CASC3: variants seen among roughly 807,000 people sequenced by gnomAD.
The protein encoded by CASC3 is CASC3 exon junction complex subunit, also known as protein CASC3.
A neutral mutation model predicts 80.5 loss-of-function variants in CASC3; 30 were observed. The ratio of observed to expected loss-of-function variants is 0.37; its 90% CI spans 0.28 to 0.51. The LOEUF (loss-of-function observed/expected upper bound fraction) is 0.51. Ranked by LOEUF, CASC3 falls within the 20% of genes least tolerant of loss-of-function variation. The pLI, the probability that CASC3 is intolerant of heterozygous loss-of-function variation, is 0.94. For synonymous variants in CASC3, 312 were observed against 333.6 expected (o/e 0.94, Z 0.70); for missense variants, 824 against 922.2 (o/e 0.89, Z 1.38).
Position 40,170,761 on chromosome 17 carries a change from A to G in CASC3, c.*356A>G. 2.1e-6 allele frequency: 2 copies of G among 970,410 alleles called. No homozygotes were observed. The highest frequency in any genetic ancestry group is 2.5e-6 in the Non-Finnish European group (2 of 816,242). 60.1% of individuals were successfully genotyped at this position (970,410 alleles called of 1,614,324 possible). On this transcript the variant is annotated 3_prime_UTR_variant, in exon 14 of 14. Coordinates refer to ENST00000264645, the MANE Select transcript of CASC3 (RefSeq NM_007359.5). ...TTGAAGTGTCTTCTGTTCCCAAGGAAGCTCCTTCCTGTTTGTTTTGTTTTC... is the reference window on the plus strand; with the variant it reads ...TTGAAGTGTCTTCTGTTCCCAAGGAGGCTCCTTCCTGTTTGTTTTGTTTTC...
rs1484674901 is a variant in CASC3, at chr17:40,162,008, A to G, written c.463A>G (p.Thr155Ala). The G allele has an allele frequency of 2.5e-6, 4 of 1,613,894 alleles. No individual in the cohort carries two copies. The highest frequency in any genetic ancestry group is 3.4e-6 in the Non-Finnish European group (4 of 1,179,928). ...ERQSGDGQES[T>A]EPVENKVGKK... ...CCCTTTATCTGTCCTCTAGGAGAGCACAGAGCCTGTGGAGAACAAAGTGGG... is the reference window on the plus strand; with the variant it reads ...CCCTTTATCTGTCCTCTAGGAGAGCGCAGAGCCTGTGGAGAACAAAGTGGG... Residue 155 changes from threonine (T) to alanine (A), a missense_variant, in exon 5 of 14, where the codon ACA becomes GCA. Thr to Ala is a moderately conservative substitution (Grantham distance 58). This residue lies in a region of CASC3 where 201 missense variants were observed against 294.1 expected (regional missense o/e 0.68). Coordinates refer to ENST00000264645, the MANE Select transcript of CASC3 (RefSeq NM_007359.5).
At chr17:40,157,339 T>C (rs943187480) in intron 3 of CASC3, among the ~76,000 whole-genome samples, 1 of 141,076 alleles carries the variant, frequency 7.1e-6, no homozygotes, top group Non-Finnish European at 1.6e-5. Context: ...CGAGACTCCG[T>C]CTCAAATAAA....
chr17:40,150,234 G>A (rs1324374232), intron 3 of CASC3, among the ~76,000 whole-genome samples: 2 of 152,010 alleles, frequency 1.3e-5, no homozygotes, highest in African/African-American at 4.8e-5. Context: ...TCAACCTGGC[G>A]CAGTGATGTG....
intron 6 of CASC3, 137 bp downstream of exon 6, chr17:40,163,038 TAGTG>T: frequency 1.8e-6 from 1 of 548,490 alleles, no homozygotes; most frequent in Non-Finnish European, 3.1e-6. Flanking sequence ...CTGGGGAACA[TAGTG>T]AGACCCTGTC....
rs779831452 is a variant in CASC3, at chr17:40,167,527, T to C, written c.1566T>C (p.Tyr522=). The part of the protein sequence containing the change: ...MGVQGGRAKR[Y]SSQRQRPVPE... The stretch of plus-strand genomic sequence containing the variant: ...TCCAGGGTGGTCGAGCCAAACGCTA[T>C]TCATCCCAGCGGCAAAGACCTGTGC... Residue 522 remains tyrosine (Y), a synonymous_variant, in exon 9 of 14, where the codon TAT becomes TAC. Transcript: ENST00000264645. 1 of 1,614,142 alleles carries C rather than the reference T, an allele frequency of 6.2e-7. No individual in the cohort carries two copies. The highest frequency in any genetic ancestry group is 2.2e-5 in the East Asian group (1 of 44,880).
chr17:40,166,707 G>C (rs1390882403), intron 7 of CASC3, 90 bp from the exon 8 acceptor site: 7 of 788,566 alleles, frequency 8.9e-6, no homozygotes, highest in Non-Finnish European at 1.2e-5. Context: ...CATTCCTTAT[G>C]TTGACACTTA....
At chr17:40,150,882 G>A (rs930026201) in intron 3 of CASC3, among the ~76,000 whole-genome samples, 35 of 152,078 alleles carry the variant, frequency 2.3e-4, no homozygotes, top group African/African-American at 7.5e-4. Flanking sequence ...ATGTGGTGGC[G>A]GGCACCTGTA....
rs1988679673 is a variant in CASC3 at position 40,140,597 on chromosome 17, G to A, written c.49G>A (p.Glu17Lys). ...QRASQDTEDE[E>K]SGASGSDSGG... ...CGCTTCGCAAGACACCGAGGACGAG[G>A]AATCTGGTGCTTCGGGCTCCGACAG... The change falls in exon 1 of 14, where the codon GAA becomes AAA. Residue 17 changes from glutamate (E) to lysine (K), a missense_variant. Glu to Lys is a moderately conservative substitution (Grantham distance 56, BLOSUM62 1). Transcript: ENST00000264645. The A allele has an allele frequency of 6.2e-7, 1 of 1,610,644 alleles. No homozygotes were observed. The highest frequency in any genetic ancestry group is 1.7e-5 in the Admixed American group (1 of 59,942).
intron 3 of CASC3, among the ~76,000 whole-genome samples, chr17:40,155,210 A>T: frequency 6.6e-6 from 1 of 150,998 alleles, no homozygotes; most frequent in African/African-American, 2.4e-5. Flanking sequence ...TTTGCACGTG[A>T]CGATTTTGGT....
At position 40,170,865 on chromosome 17, in the gene CASC3, C is replaced by G. The variant is rs75463187; in HGVS notation, c.*460C>G. The G allele has an allele frequency of 2.1e-3, 2,029 of 985,160 alleles. 37 individuals are homozygous for G. The African/African-American group carries it at 0.031, about 15-fold the overall frequency. 61.0% of individuals were successfully genotyped at this position (985,160 alleles called of 1,614,324 possible). ...TTTCTCTTTGTTTCTGTTTCTTGCT[C>G]TCTCTCCCTGCCTTTAAATGAAACA... On this transcript the variant is annotated 3_prime_UTR_variant, in exon 14 of 14. Coordinates refer to ENST00000264645, the MANE Select transcript of CASC3 (RefSeq NM_007359.5).
rs774969704 is a variant in CASC3 at position 40,167,613 on chromosome 17, G to T, written c.1651+1G>T. ...ATGGAGGGACATTACTATGATCCAC[G>T]TGAGTTTTTTCTTACTGTTGGGGTA... On this transcript the variant is annotated splice_donor_variant, in intron 9 of 13. Transcript: ENST00000264645. LOFTEE classifies it high-confidence loss of function. The T allele has an allele frequency of 6.2e-7, 1 of 1,608,268 alleles. No individual in the cohort carries two copies. The highest frequency in any genetic ancestry group is 8.5e-7 in the Non-Finnish European group (1 of 1,174,838).
intron 3 of CASC3, among the ~76,000 whole-genome samples, chr17:40,152,832 A>G (rs1167207378): frequency 3.3e-5 from 5 of 152,126 alleles, no homozygotes; most frequent in African/African-American, 1.2e-4. Flanking sequence ...GCTGGAGTGC[A>G]GTGTTACAAT....
At chr17:40,168,129 T>G (rs1022684766) in intron 10 of CASC3, 74 bp from the exon 11 acceptor site, 4 of 1,412,204 alleles carry the variant, frequency 2.8e-6, no homozygotes, top group Non-Finnish European at 4.0e-6. Flanking sequence ...CTGATTATAC[T>G]GAGCAGTCCA....
At chr17:40,167,727 T>G in intron 9 of CASC3, 115 bp downstream of exon 9, 1 of 1,239,102 alleles carries the variant, frequency 8.1e-7, no homozygotes, top group Non-Finnish European at 1.2e-6. Context: ...TATCAAACAT[T>G]GTCTGGTTGC....
chr17:40,147,725 C>G (rs1988895847), intron 3 of CASC3, among the ~76,000 whole-genome samples: 2 of 152,092 alleles, frequency 1.3e-5, no homozygotes, highest in Non-Finnish European at 2.9e-5. Flanking sequence ...GAAGGGACCC[C>G]AGGAGAAGAG....
intron 5 of CASC3, 90 bp from the exon 6 acceptor site, chr17:40,162,635 T>A: frequency 8.4e-7 from 1 of 1,196,246 alleles, no homozygotes; most frequent in Admixed American, 2.2e-5. Flanking sequence ...GTTCCTATTG[T>A]CCCCCTGCCT....
chr17:40,170,427 CTTT>C lies in CASC3; in HGVS notation c.*42-17_*42-15del, dbSNP rs1254790939. On this transcript the variant is annotated splice_polypyrimidine_tract_variant and intron_variant, in intron 13 of 13. Coordinates refer to ENST00000264645, the MANE Select transcript of CASC3 (RefSeq NM_007359.5). ...CCACTAACACTTTGGTGGTTCTTCC[CTTT>C]TTCCAACCCCTGTCAGAGCAGCAGA... 1.0e-6 allele frequency: 1 copy of C among 985,428 alleles called. No homozygotes were observed. Among genetic ancestry groups the C allele is most frequent in the African/African-American group, 1.7e-5 (1 of 57,214 alleles). The allele number at this position is 985,428 out of a possible 1,614,324, so 61.0% of individuals were successfully genotyped here.
In CASC3 at chr17:40,157,366, TA is replaced by T. The variant is rs1288240605; in HGVS notation, c.298-4384del. On this transcript the variant is annotated intron_variant, in intron 3 of 13. Transcript: ENST00000264645. Reference sequence around the variant, plus strand: ...TCAAATAAATAAATAAATAAATAAATAAATTAATTAATTAATTAATTAAAAG... The same window carrying T: ...TCAAATAAATAAATAAATAAATAAATAATTAATTAATTAATTAATTAAAAG... Among the ~76,000 whole-genome samples, 1,061 of 147,990 alleles carry T rather than the reference TA, an allele frequency of 7.2e-3. 14 individuals are homozygous for T. The highest frequency in any genetic ancestry group is 0.024 in the African/African-American group (961 of 40,000).
At chr17:40,159,709 G>A (rs953604663) in intron 3 of CASC3, among the ~76,000 whole-genome samples, 3 of 135,516 alleles carry the variant, frequency 2.2e-5, no homozygotes, top group South Asian at 2.3e-4. Flanking sequence ...CATTCCTGGC[G>A]AATTTTTTTT....
Sources: allele counts gnomAD v4.1 joint callset (sites outside exome capture counted in the v4.1 genomes callset), GRCh38; gene constraint gnomAD v4.1.1; regional missense constraint gnomAD v4.1.1; transcripts MANE v1.5; gene names NCBI Gene and HGNC (gene_info 2026-07-23, HGNC 2026-07-21).